The following S100PBP variants were observed in gnomAD, a reference collection of about 807,000 sequenced individuals.
The protein encoded by S100PBP is S100P binding protein.
S100PBP carries 15 observed loss-of-function variants against 39.9 expected under a neutral mutation model. That is an observed-to-expected ratio of 0.38 (90% CI 0.25 to 0.58). S100PBP has a LOEUF of 0.58. S100PBP is among the 20% of genes least tolerant of loss of function. The pLI, the probability that S100PBP is intolerant of heterozygous loss-of-function variation, is 0.70. For missense variants in S100PBP, 504 were observed against 487.3 expected (o/e 1.03, Z -0.32); for synonymous variants, 178 against 180.3 (o/e 0.99, Z 0.10).
At chr1:32,829,170 G>A (rs1386375092) in intron 4 of S100PBP, among the ~76,000 whole-genome samples, 1 of 150,284 alleles carries the variant, frequency 6.7e-6, no homozygotes, top group African/African-American at 2.4e-5. Context: ...ACTTGGGACA[G>A]TAATAAATTT....
chr1:32,846,817 T>C (rs559082944), intron 5 of S100PBP: 3 of 151,996 alleles, frequency 2.0e-5, no homozygotes, highest in African/African-American at 4.8e-5. Flanking sequence ...GTTTCACTCT[T>C]GTCGCCCAGG....
At chr1:32,848,477 T>C (rs1369847572) in intron 5 of S100PBP, among the ~76,000 whole-genome samples, 1 of 152,158 alleles carries the variant, frequency 6.6e-6, no homozygotes, top group Non-Finnish European at 1.5e-5. Context: ...TTACTAAAGC[T>C]CACATTGACA....
chr1:32,834,347 TA>T (rs1275857907), intron 5 of S100PBP, among the ~76,000 whole-genome samples: 6 of 152,242 alleles, frequency 3.9e-5, no homozygotes, highest in Admixed American at 1.3e-4. Context: ...CACATTTAGT[TA>T]TTGTCTCCTT....
chr1:32,849,275 C>G (rs956469230), intron 5 of S100PBP, among the ~76,000 whole-genome samples: 1 of 151,890 alleles, frequency 6.6e-6, no homozygotes, highest in Admixed American at 6.6e-5. Context: ...CCCCTGGAGT[C>G]GATGGGACTA....
upstream of S100PBP, chr1:32,817,581 T>C: frequency 2.1e-6 from 1 of 483,004 alleles, no homozygotes; most frequent in Non-Finnish European, 3.8e-6. Flanking sequence ...CCCCCTGGTG[T>C]TGGCCCGGCT....
At chr1:32,846,018 C>G (rs1279332618) in intron 5 of S100PBP, among the ~76,000 whole-genome samples, 1 of 150,724 alleles carries the variant, frequency 6.6e-6, no homozygotes, top group Non-Finnish European at 1.5e-5. Flanking sequence ...GAGATGGAGT[C>G]TCACTCTATC....
chr1:32,817,764 G>C (rs1005951018), intron 1 of S100PBP, 75 bp downstream of exon 1: 3 of 189,526 alleles, frequency 1.6e-5, no homozygotes, highest in Non-Finnish European at 3.4e-5. Context: ...TGCTTCTCCA[G>C]GGGGTTGCGC....
intron 6 of S100PBP, 52 bp from the exon 7 acceptor site, chr1:32,855,872 A>T: frequency 8.4e-7 from 1 of 1,184,478 alleles, no homozygotes; most frequent in Non-Finnish European, 1.2e-6. Flanking sequence ...GTGTACAAAT[A>T]GCCATTCTAG....
chr1:32,849,109 T>C (rs556284678), intron 5 of S100PBP, among the ~76,000 whole-genome samples: 174 of 152,314 alleles, frequency 1.1e-3, no homozygotes, highest in Non-Finnish European at 2.1e-3. Context: ...GCTTTCCTGA[T>C]TTACTAGATG....
In S100PBP at chr1:32,856,347, C is replaced by T; in HGVS notation, c.*309C>T. On this transcript the variant is annotated 3_prime_UTR_variant, in exon 7 of 7. Transcript: ENST00000373475. Reference sequence around the variant, plus strand: ...GAAAGCCAGCATTAAGCCAGAACACCCAGGTTCAAGCAAAAGACCCACCTC... The same window carrying T: ...GAAAGCCAGCATTAAGCCAGAACACTCAGGTTCAAGCAAAAGACCCACCTC... 1 of 179,982 alleles carries T rather than the reference C, an allele frequency of 5.6e-6. No individual in the cohort carries two copies. The highest frequency in any genetic ancestry group is 1.2e-5 in the Non-Finnish European group (1 of 84,588). The allele number at this position is 179,982 out of a possible 1,614,324, so 11.1% of individuals were successfully genotyped here. A position where few individuals can be genotyped will look rare whatever the true frequency, so the allele number is the denominator to read the frequency against.
At position 32,826,696 on chromosome 1, in the gene S100PBP, G is replaced by C; in HGVS notation, c.597G>C (p.Gly199=). The C allele has an allele frequency of 6.2e-7, 1 of 1,614,116 alleles. No homozygotes were observed. Residue 199 remains glycine, a synonymous_variant, in exon 3 of 7, where the codon GGG becomes GGC. Transcript: ENST00000373475. ...NESKLCTESE[G]ISPNNSAWNG... ...GCAAACTTTGTACTGAATCTGAAGG[G>C]ATCAGCCCCAATAACTCTGCCTGGA...
chr1:32,832,519 C>A (rs960640072), intron 5 of S100PBP, among the ~76,000 whole-genome samples: 6 of 152,168 alleles, frequency 3.9e-5, no homozygotes, highest in African/African-American at 1.4e-4. Flanking sequence ...AGACCTCTGG[C>A]ACTTCCTTCT....
At chr1:32,849,254 C>T (rs899859357) in intron 5 of S100PBP, among the ~76,000 whole-genome samples, 3 of 151,830 alleles carry the variant, frequency 2.0e-5, no homozygotes, top group Non-Finnish European at 4.4e-5. Context: ...AGGTGATCCT[C>T]CCACCTCAGC....
intron 5 of S100PBP, among the ~76,000 whole-genome samples, chr1:32,841,365 T>TTTTA (rs770797042): frequency 6.6e-6 from 1 of 152,014 alleles, no homozygotes; most frequent in Non-Finnish European, 1.5e-5. Context: ...GTTTGTTTAT[T>TTTTA]TTTATTTATT....
Position 32,854,458 on chromosome 1 carries a change from TC to T in S100PBP, c.1112+1293del, listed in dbSNP as rs747325987. Among the ~76,000 whole-genome samples the T allele has an allele frequency of 3.9e-4, 59 of 152,218 alleles. 1 individual carries two copies. The highest frequency in any genetic ancestry group is 1.0e-4 in the Non-Finnish European group (7 of 68,036). ...TACAGATGGAACCATTCATTTTTCT[TC>T]TTTGAATATTTTTGACCCATGGTTG... On this transcript the variant is annotated intron_variant, in intron 6 of 6. Coordinates refer to ENST00000373475, the MANE Select transcript of S100PBP (RefSeq NM_022753.4).
At chr1:32,844,599 C>T (rs1640272647) in intron 5 of S100PBP, among the ~76,000 whole-genome samples, 1 of 151,948 alleles carries the variant, frequency 6.6e-6, no homozygotes, top group Non-Finnish European at 1.5e-5. Flanking sequence ...ACCTCGGCCT[C>T]CAGAGTAGCT....
chr1:32,826,237 A>T lies in S100PBP; in HGVS notation c.138A>T (p.Glu46Asp), dbSNP rs530855668. The T allele has an allele frequency of 1.4e-5, 22 of 1,614,208 alleles. No homozygotes were observed. Among genetic ancestry groups the T allele is most frequent in the African/African-American group, 1.3e-4 (10 of 75,058 alleles). Residue 46 changes from glutamate to aspartate, a missense_variant, in exon 3 of 7, where the codon GAA becomes GAT. Physicochemically the swap from Glu to Asp is conservative, Grantham distance 45. Coordinates refer to ENST00000373475, the MANE Select transcript of S100PBP (RefSeq NM_022753.4). ...TGCTGGAGCTGTCAGAGGGAGAAGA[A>T]GATGATGGTGATGTAAATTACACAG... is the stretch of plus-strand genomic sequence containing the variant. ...DSLLELSEGE[E>D]DDGDVNYTEE...
chr1:32,830,962 C>T (rs760503403), intron 5 of S100PBP, among the ~76,000 whole-genome samples: 5 of 151,984 alleles, frequency 3.3e-5, no homozygotes, highest in Admixed American at 6.6e-5. Flanking sequence ...TGCCTATAAT[C>T]CTAGCTACTC....
chr1:32,843,796 G>A (rs1358756955), intron 5 of S100PBP, among the ~76,000 whole-genome samples: 2 of 151,868 alleles, frequency 1.3e-5, no homozygotes, highest in Admixed American at 6.6e-5. Context: ...CACCATGTTA[G>A]CCAGGATGGT....
Sources: gnomAD v4.1 joint callset for allele counts (sites outside exome capture counted in the v4.1 genomes callset) on GRCh38, gnomAD v4.1.1 for gene constraint, MANE v1.5 for transcripts, NCBI Gene and HGNC (gene_info 2026-07-23, HGNC 2026-07-21) for gene names.